Variants in SDAD1 observed in about 807,000 individuals in gnomAD.
SDAD1 encodes protein SDA1 homolog.
In SDAD1, 79 loss-of-function variants were observed where a neutral mutation model predicts 100.3. That is an observed-to-expected ratio of 0.79 (90% CI 0.66 to 0.95). SDAD1 has a LOEUF of 0.95. Among genes scored for constraint, SDAD1 ranks in the 40% least tolerant of loss-of-function variants. SDAD1 has a pLI of 0.00. For synonymous variants in SDAD1, 267 were observed against 271.4 expected, an observed-to-expected ratio of 0.98 and a Z score of 0.16; for missense variants, 790 against 810.9, an observed-to-expected ratio of 0.97 and a Z score of 0.31.
intron 7 of SDAD1, among the ~76,000 whole-genome samples, chr4:75,973,872 A>G (rs1249534288): frequency 1.3e-5 from 2 of 151,920 alleles, no homozygotes; most frequent in Non-Finnish European, 2.9e-5. Context: ...GAACAAAGAA[A>G]GCATCACTTA....
chr4:75,969,044 A>C (rs940365817), intron 11 of SDAD1, among the ~76,000 whole-genome samples: 1 of 151,530 alleles, frequency 6.6e-6, no homozygotes, highest in Admixed American at 6.6e-5. Flanking sequence ...AAAAAAAAAA[A>C]AAAAAAAAAA....
At position 75,990,917 on chromosome 4, in the gene SDAD1, C is replaced by G. The variant is rs954071384; in HGVS notation, c.-76G>C. ...GCCGGCACCCCGCAATCCCTGCCAG[C>G]TGCAGCTTGGACTCGTGTTTCCGGG... On this transcript the variant is annotated 5_prime_UTR_variant, in exon 1 of 22. Transcript: ENST00000356260. 4 of 1,574,538 alleles carry G rather than the reference C, an allele frequency of 2.5e-6. No individual in the cohort carries two copies. The highest frequency in any genetic ancestry group is 3.5e-6 in the Non-Finnish European group (4 of 1,148,120).
At chr4:75,952,595 T>TTCAGG (rs1728675019) in intron 21 of SDAD1, among the ~76,000 whole-genome samples, 2 of 152,200 alleles carry the variant, frequency 1.3e-5, no homozygotes, top group African/African-American at 4.8e-5. Flanking sequence ...ATTCCTTTAT[T>TTCAGG]TAAGACACTG....
intron 1 of SDAD1, 130 bp downstream of exon 1, chr4:75,990,622 G>T: frequency 6.3e-7 from 1 of 1,590,738 alleles, no homozygotes; most frequent in Non-Finnish European, 8.5e-7. Flanking sequence ...TCTCTCCTCT[G>T]GAGGGACCCC....
intron 6 of SDAD1, among the ~76,000 whole-genome samples, chr4:75,974,736 A>G (rs1730062696): frequency 6.6e-6 from 1 of 150,664 alleles, no homozygotes. Context: ...AAAATAATCG[A>G]GAATTTAAAA....
Position 75,960,129 on chromosome 4 carries a change from C to A in SDAD1, c.1420G>T (p.Asp474Tyr). The A allele has an allele frequency of 6.2e-7, 1 of 1,612,310 alleles. No individual in the cohort carries two copies. Among genetic ancestry groups the A allele is most frequent in the Non-Finnish European group, 8.5e-7 (1 of 1,179,568 alleles). Residue 474 changes from aspartate to tyrosine, a missense_variant, in exon 17 of 22, where the codon GAT becomes TAT. Transcript: ENST00000356260. Reference sequence around the variant, plus strand: ...AGAACTTCTGCTCCTGGAATGTAATCTTTAGCATCTAATTCTCCATATTCT... The same window carrying A: ...AGAACTTCTGCTCCTGGAATGTAATATTTAGCATCTAATTCTCCATATTCT... ...VQEYGELDAKDYIPGAEVLEV... is the reference protein window; with the variant it reads ...VQEYGELDAKYYIPGAEVLEV...
intron 17 of SDAD1, 72 bp downstream of exon 17, chr4:75,959,994 T>C: frequency 6.9e-7 from 1 of 1,448,798 alleles, no homozygotes; most frequent in Non-Finnish European, 9.2e-7. Context: ...GTTCAAATAG[T>C]ATACAATTTA....
chr4:75,957,778 C>A, intron 18 of SDAD1, 69 bp downstream of exon 18: 1 of 1,611,128 alleles, frequency 6.2e-7, no homozygotes, highest in South Asian at 1.1e-5. Context: ...ATTGTAGCCT[C>A]CCAACAAGGC....
intron 4 of SDAD1, among the ~76,000 whole-genome samples, chr4:75,977,129 C>T (rs535592094): frequency 1.6e-4 from 24 of 152,252 alleles, no homozygotes; most frequent in African/African-American, 5.8e-4. Flanking sequence ...AAATCTTCAG[C>T]TTCTAGTCTT....
At chr4:75,969,552 C>G (rs1345055376) in intron 10 of SDAD1, among the ~76,000 whole-genome samples, 153 bp from the exon 11 acceptor site, 1 of 152,176 alleles carries the variant, frequency 6.6e-6, no homozygotes, top group African/African-American at 2.4e-5. Context: ...AAAGTTAAGT[C>G]TTAATAATTC....
Position 75,967,325 on chromosome 4 carries a change from A to G in SDAD1, c.997T>C (p.Phe333Leu), listed in dbSNP as rs1729605085. The change falls in exon 12 of 22, where the codon TTC becomes CTC. Residue 333 changes from phenylalanine (F) to leucine (L), a missense_variant. Transcript: ENST00000356260. Reference protein sequence around the residue: ...RLVGIHELFLFNFYPFLQRFL... With the variant: ...RLVGIHELFLLNFYPFLQRFL... ...CTTTGCAAAAAGGGATAGAAATTGA[A>G]GAGGAAAAGCTGTGGAGAGAAAACC... is the stretch of plus-strand genomic sequence containing the variant. The G allele has an allele frequency of 1.2e-6, 2 of 1,614,066 alleles. No individual in the cohort carries two copies. The highest frequency in any genetic ancestry group is 2.7e-5 in the African/African-American group (2 of 75,046).
At position 75,969,453 on chromosome 4, in the gene SDAD1, T is replaced by C. The variant is rs551073602; in HGVS notation, c.884-54A>G. ...TTGTGAGTCTATGGTCTATGTGACA[T>C]TTATGTAACAGGCGTAGGAAAAGAC... On this transcript the variant is annotated intron_variant, in intron 10 of 21. Coordinates refer to ENST00000356260, the MANE Select transcript of SDAD1 (RefSeq NM_018115.4). 15 of 1,195,794 alleles carry C rather than the reference T, an allele frequency of 1.3e-5. No homozygotes were observed. In the African/African-American group the frequency reaches 1.8e-4, roughly 14 times the overall value. 74.1% of individuals were successfully genotyped at this position (1,195,794 alleles called of 1,614,324 possible).
intron 5 of SDAD1, 32 bp from the exon 6 acceptor site, chr4:75,975,876 G>A (rs2149324177): frequency 1.9e-6 from 3 of 1,599,210 alleles, no homozygotes; most frequent in Non-Finnish European, 2.6e-6. Flanking sequence ...AAGACTTAAT[G>A]CACTGATGGT....
Position 75,966,170 on chromosome 4 carries a change from G to T in SDAD1, c.1046-348C>A, listed in dbSNP as rs1351839863. Among the ~76,000 whole-genome samples the T allele has an allele frequency of 5.3e-5, 8 of 152,140 alleles. No individual in the cohort carries two copies. In the East Asian group the frequency reaches 1.2e-3, roughly 22 times the overall value. On this transcript the variant is annotated intron_variant, in intron 12 of 21. Coordinates refer to ENST00000356260, the MANE Select transcript of SDAD1 (RefSeq NM_018115.4). ...CTGCCTCCAGATGTAAGCCATGAGG[G>T]TAAGGACCTTGTTTTACGTTTACTG...
rs767187933 is a variant in SDAD1, at chr4:75,990,769, G to A, written c.73C>T (p.Pro25Ser). 38 of 1,614,018 alleles carry A rather than the reference G, an allele frequency of 2.4e-5. No individual in the cohort carries two copies. The highest frequency in any genetic ancestry group is 3.2e-5 in the Non-Finnish European group (38 of 1,180,020). Reference protein sequence around the residue: ...QLQNLIKRDPPAYIEEFLQQY... With the variant: ...QLQNLIKRDPSAYIEEFLQQY... Reference sequence around the variant, plus strand: ...ACTCCCACCTCCTCGATGTAGGCCGGCGGGTCTCGCTTGATTAGATTCTGT... The same window carrying A: ...ACTCCCACCTCCTCGATGTAGGCCGACGGGTCTCGCTTGATTAGATTCTGT... Residue 25 changes from proline (P) to serine (S), a missense_variant, in exon 1 of 22, where the codon CCG becomes TCG. By Grantham distance (74) the Pro-to-Ser change is moderately conservative. Coordinates refer to ENST00000356260, the MANE Select transcript of SDAD1 (RefSeq NM_018115.4).
chr4:75,981,330 C>T (rs1210574239), intron 3 of SDAD1, 42 bp downstream of exon 3: 2 of 1,576,126 alleles, frequency 1.3e-6, no homozygotes, highest in African/African-American at 2.7e-5. Context: ...ACGCAGCACA[C>T]ATGAACACAG....
rs769368749 is a variant in SDAD1 at position 75,957,511 on chromosome 4, A to T, written c.1769+7T>A. The T allele has an allele frequency of 1.2e-6, 2 of 1,613,546 alleles. No individual in the cohort carries two copies. Among genetic ancestry groups the T allele is most frequent in the Non-Finnish European group, 1.7e-6 (2 of 1,179,670 alleles). On this transcript the variant is annotated splice_region_variant and intron_variant, in intron 19 of 21. Coordinates refer to ENST00000356260, the MANE Select transcript of SDAD1 (RefSeq NM_018115.4). ...ACTGAAGTACTAAAGTGGATGTGCC[A>T]TTTTACCTGGGCTCTTCATCACTGT...
Position 75,960,217 on chromosome 4 carries a change from A to G in SDAD1, c.1357-25T>C, listed in dbSNP as rs747969700. Reference sequence around the variant, plus strand: ...CCTAAAGGAAAAGAAATTGTTTGTAATAAGTTGCTTAGATCATAAAACCTT... The same window carrying G: ...CCTAAAGGAAAAGAAATTGTTTGTAGTAAGTTGCTTAGATCATAAAACCTT... On this transcript the variant is annotated intron_variant, in intron 16 of 21. Transcript: ENST00000356260. 23 of 1,550,062 alleles carry G rather than the reference A, an allele frequency of 1.5e-5. No individual in the cohort carries two copies. In the South Asian group the frequency reaches 2.1e-4, roughly 14 times the overall value.
chr4:75,950,760 CT>C lies in SDAD1; in HGVS notation c.2053del (p.Arg685GlufsTer2), dbSNP rs1006028654. ...LRDALLKKRK[R>X]MK Reference sequence around the variant, plus strand: ...AAACTTGCCAGGAAGTTACTTCATTCTTTTTCTCTTTTTCAAAAGTGCATCT... The same window carrying C: ...AAACTTGCCAGGAAGTTACTTCATTCTTTTCTCTTTTTCAAAAGTGCATCT... On this transcript the variant is annotated frameshift_variant, in exon 22 of 22. Coordinates refer to ENST00000356260, the MANE Select transcript of SDAD1 (RefSeq NM_018115.4). LOFTEE classifies it high-confidence loss of function. 6.3e-7 allele frequency: 1 copy of C among 1,590,812 alleles called. No homozygotes were observed. Among genetic ancestry groups the C allele is most frequent in the Non-Finnish European group, 8.6e-7 (1 of 1,162,124 alleles).
Sources: gnomAD v4.1 joint callset for allele counts (sites outside exome capture counted in the v4.1 genomes callset) on GRCh38, gnomAD v4.1.1 for gene constraint, MANE v1.5 for transcripts, NCBI Gene and HGNC (gene_info 2026-07-23, HGNC 2026-07-21) for gene names.